Variants in VAC14 observed in about 807,000 individuals in gnomAD.
VAC14 encodes the protein protein VAC14 homolog.
Under a neutral mutation model 85.3 loss-of-function variants are expected in VAC14, and 47 were observed. The observed-to-expected ratio is 0.55, with a 90% CI of 0.44 to 0.70. The LOEUF (loss-of-function observed/expected upper bound fraction) is 0.70. Among genes scored for constraint, VAC14 ranks in the 30% least tolerant of loss-of-function variants. The pLI, the probability that VAC14 is intolerant of heterozygous loss-of-function variation, is 0.00. For synonymous variants in VAC14, 447 were observed against 430.5 expected (o/e 1.04, Z -0.47); for missense variants, 861 against 1,004.3 (o/e 0.86, Z 1.93).
chr16:70,725,890 C>T (rs2054413462), intron 14 of VAC14, among the ~76,000 whole-genome samples: 1 of 152,246 alleles, frequency 6.6e-6, no homozygotes. Context: ...GCATTCACCG[C>T]ATACAGTGGC....
At chr16:70,751,288 G>C (rs923858646) in intron 12 of VAC14, among the ~76,000 whole-genome samples, 1 of 152,222 alleles carries the variant, frequency 6.6e-6, no homozygotes, top group Non-Finnish European at 1.5e-5. Context: ...GGAAGAAGCT[G>C]CAAGAATGTT....
chr16:70,798,801 G>C (rs1420653141), intron 1 of VAC14, among the ~76,000 whole-genome samples: 1 of 152,202 alleles, frequency 6.6e-6, no homozygotes, highest in African/African-American at 2.4e-5. Flanking sequence ...TGGGCAGCAA[G>C]GTCCTGAGCC....
intron 10 of VAC14, among the ~76,000 whole-genome samples, chr16:70,763,709 C>T (rs186549772): frequency 4.6e-5 from 7 of 152,320 alleles, no homozygotes; most frequent in Admixed American, 1.3e-4. Flanking sequence ...CTATGAGAAA[C>T]GGATATTGTT....
intron 12 of VAC14, among the ~76,000 whole-genome samples, chr16:70,757,659 T>TGAAGCA (rs1295030780): frequency 1.3e-5 from 2 of 152,190 alleles, no homozygotes; most frequent in Non-Finnish European, 2.9e-5. Context: ...GTTTTGCTGC[T>TGAAGCA]GAAGCAGAAG....
At chr16:70,737,095 A>T (rs2054780492) in intron 13 of VAC14, among the ~76,000 whole-genome samples, 1 of 152,130 alleles carries the variant, frequency 6.6e-6, no homozygotes, top group Non-Finnish European at 1.5e-5. Flanking sequence ...GAGAGAGAAC[A>T]AGCTCACCCC....
intron 14 of VAC14, among the ~76,000 whole-genome samples, chr16:70,727,997 G>A (rs553458974): frequency 2.0e-5 from 3 of 152,308 alleles, no homozygotes; most frequent in Non-Finnish European, 2.9e-5. Context: ...TGGAGAAACC[G>A]GGTGAAGGAC....
At position 70,749,068 on chromosome 16, in the gene VAC14, C is replaced by G. The variant is rs182614790; in HGVS notation, c.1372-4489G>C. ...TATGCGCAATGGAGATTTGACCTTG[C>G]CAGGCTGTTGTGAAGATTACAAGAG... On this transcript the variant is annotated intron_variant, in intron 12 of 18. Transcript: ENST00000261776. 1.8e-4 allele frequency among the ~76,000 whole-genome samples: 28 copies of G among 152,330 alleles called. No homozygotes were observed. In the East Asian group the frequency reaches 2.5e-3, roughly 14 times the overall value.
At chr16:70,784,243 C>T in intron 4 of VAC14, 23 bp from the exon 5 acceptor site, 1 of 1,604,392 alleles carries the variant, frequency 6.2e-7, no homozygotes, top group Non-Finnish European at 8.5e-7. Context: ...GGAAAGTGAG[C>T]TGCCGAGAGC....
At chr16:70,737,375 CAG>C (rs2054791563) in intron 13 of VAC14, among the ~76,000 whole-genome samples, 2 of 152,068 alleles carry the variant, frequency 1.3e-5, no homozygotes, top group African/African-American at 4.8e-5. Context: ...GCTGCTGCAG[CAG>C]GGGGCGAGGG....
At chr16:70,784,457 C>G (rs980086640) in intron 4 of VAC14, among the ~76,000 whole-genome samples, 2 of 152,124 alleles carry the variant, frequency 1.3e-5, no homozygotes, top group Non-Finnish European at 2.9e-5. Flanking sequence ...AATGGCAAGA[C>G]CCTACTCTCT....
chr16:70,720,092 C>T (rs1480363609), intron 14 of VAC14, among the ~76,000 whole-genome samples: 1 of 152,156 alleles, frequency 6.6e-6, no homozygotes, highest in African/African-American at 2.4e-5. Flanking sequence ...GTGAAAAGAG[C>T]ACCAGCTGTA....
chr16:70,760,962 G>GTGGGTGT (rs2032283824), intron 12 of VAC14, among the ~76,000 whole-genome samples: 5 of 47,602 alleles, frequency 1.1e-4, no homozygotes, highest in African/African-American at 4.3e-4. Context: ...ACGAAGAGAG[G>GTGGGTGT]GTGTGTGTGT....
chr16:70,709,646 T>C (rs1265067947), intron 14 of VAC14, among the ~76,000 whole-genome samples: 1 of 152,150 alleles, frequency 6.6e-6, no homozygotes, highest in Non-Finnish European at 1.5e-5. Context: ...GGACCCAAAC[T>C]CTGACCCAGC....
At chr16:70,781,050 C>T (rs560907324) in intron 8 of VAC14, 111 bp from the exon 9 acceptor site, 90 of 1,476,328 alleles carry the variant, frequency 6.1e-5, no homozygotes, top group Non-Finnish European at 7.1e-5. Flanking sequence ...GGAGGGGTTT[C>T]GGTCATGGGG....
intron 14 of VAC14, among the ~76,000 whole-genome samples, chr16:70,724,313 C>T (rs1349922593): frequency 6.6e-6 from 1 of 152,182 alleles, no homozygotes; most frequent in African/African-American, 2.4e-5. Context: ...AGAGCAAGGC[C>T]AGGACCACCC....
intron 9 of VAC14, among the ~76,000 whole-genome samples, chr16:70,777,428 C>T (rs147420281): frequency 6.6e-6 from 1 of 152,198 alleles, no homozygotes; most frequent in Non-Finnish European, 1.5e-5. Flanking sequence ...CTGAGGGGAA[C>T]AGATATAAAG....
intron 17 of VAC14, among the ~76,000 whole-genome samples, chr16:70,693,486 T>G (rs1443975516): frequency 6.6e-6 from 1 of 152,198 alleles, no homozygotes; most frequent in Non-Finnish European, 1.5e-5. Flanking sequence ...AAAAACGCCT[T>G]TGTGTGTAGC....
intron 13 of VAC14, among the ~76,000 whole-genome samples, chr16:70,744,056 T>A (rs1293294654): frequency 6.6e-6 from 1 of 152,058 alleles, no homozygotes; most frequent in Admixed American, 6.5e-5. Context: ...GGCCACCTAG[T>A]CTTCCACCTG....
At chr16:70,761,322 G>C in intron 12 of VAC14, 1 of 270,094 alleles carries the variant, frequency 3.7e-6, no homozygotes, top group Non-Finnish European at 7.4e-6. Flanking sequence ...GTGTGGGCAG[G>C]TCTGTTGATT....
Sources: allele counts gnomAD v4.1 joint callset (sites outside exome capture counted in the v4.1 genomes callset), GRCh38; gene constraint gnomAD v4.1.1; transcripts MANE v1.5; gene names NCBI Gene and HGNC (gene_info 2026-07-23, HGNC 2026-07-21).